The following CTNND2 variants were observed in gnomAD, a reference collection of about 807,000 sequenced individuals.
CTNND2 encodes the protein catenin delta-2.
In CTNND2, 22 loss-of-function variants were observed where a neutral mutation model predicts 144.4. That is an observed-to-expected ratio of 0.15 (90% CI 0.11 to 0.22). The LOEUF is 0.22. CTNND2 is among the 10% of genes least tolerant of loss of function. CTNND2 has a pLI of 1.00. For missense variants in CTNND2, 1,353 were observed against 1,618.8 expected (o/e 0.84, Z 2.82); for synonymous variants, 751 against 695.6 (o/e 1.08, Z -1.25).
chr5:11,420,390 T>G (rs777329976), intron 3 of CTNND2, among the ~76,000 whole-genome samples: 5 of 152,208 alleles, frequency 3.3e-5, no homozygotes, highest in Non-Finnish European at 5.9e-5. Flanking sequence ...GACCTTTATA[T>G]TGATGATGTC....
At chr5:11,395,532 T>A (rs1760018302) in intron 6 of CTNND2, among the ~76,000 whole-genome samples, 1 of 152,250 alleles carries the variant, frequency 6.6e-6, no homozygotes, top group African/African-American at 2.4e-5. Context: ...ATAACTCTGA[T>A]GACTTCAGAT....
chr5:11,058,692 A>C (rs1232097954), intron 16 of CTNND2, among the ~76,000 whole-genome samples: 2 of 152,212 alleles, frequency 1.3e-5, no homozygotes, highest in East Asian at 3.9e-4. Context: ...TGGTAGATCC[A>C]ATGACCTCTT....
chr5:10,974,286 A>G (rs1391647143), intron 21 of CTNND2, among the ~76,000 whole-genome samples: 1 of 152,220 alleles, frequency 6.6e-6, no homozygotes, highest in African/African-American at 2.4e-5. Flanking sequence ...TTGTGGCTGA[A>G]TAATATTCCA....
At chr5:11,395,162 A>C (rs761296812) in intron 6 of CTNND2, among the ~76,000 whole-genome samples, 16 of 152,214 alleles carry the variant, frequency 1.1e-4, no homozygotes, top group Non-Finnish European at 2.2e-4. Flanking sequence ...CCCTTCTCTC[A>C]AGGGTATAAC....
chr5:11,057,622 T>C (rs1746470746), intron 16 of CTNND2, among the ~76,000 whole-genome samples: 1 of 152,218 alleles, frequency 6.6e-6, no homozygotes, highest in South Asian at 2.1e-4. Context: ...AATGGATTAA[T>C]ACAATACATT....
chr5:11,106,002 G>A (rs2973504), intron 14 of CTNND2, among the ~76,000 whole-genome samples: 53,277 of 151,908 alleles, frequency 0.35, 9,644 homozygotes, highest in African/African-American at 0.43. Context: ...CTGTCTGGAA[G>A]AAAAAGAAAA....
intron 2 of CTNND2, among the ~76,000 whole-genome samples, chr5:11,590,416 G>T (rs1037678005): frequency 6.6e-6 from 1 of 152,058 alleles, no homozygotes; most frequent in East Asian, 1.9e-4. Flanking sequence ...AAAGTACAGG[G>T]TAGTCCTTAT....
chr5:11,584,604 TA>T (rs1050010251), intron 2 of CTNND2, among the ~76,000 whole-genome samples: 1 of 152,170 alleles, frequency 6.6e-6, no homozygotes, highest in Non-Finnish European at 1.5e-5. Context: ...AGTTTATTTT[TA>T]AAATCATATG....
intron 2 of CTNND2, among the ~76,000 whole-genome samples, chr5:11,690,922 A>G (rs1784880812): frequency 6.6e-6 from 1 of 152,142 alleles, no homozygotes; most frequent in Non-Finnish European, 1.5e-5. Context: ...TTAACCTGAA[A>G]ACACGTTGAA....
At chr5:11,902,762 T>C (rs1319694046) in intron 1 of CTNND2, among the ~76,000 whole-genome samples, 1 of 151,802 alleles carries the variant, frequency 6.6e-6, no homozygotes, top group East Asian at 1.9e-4. Flanking sequence ...TCAGATCAGC[T>C]CAAATGAGGC....
intron 2 of CTNND2, among the ~76,000 whole-genome samples, chr5:11,716,766 A>T (rs1239522939): frequency 6.6e-6 from 1 of 151,972 alleles, no homozygotes; most frequent in Non-Finnish European, 1.5e-5. Flanking sequence ...AGCTTACCAC[A>T]ACCTCCTCCA....
chr5:11,116,634 T>G (rs1266038649), intron 13 of CTNND2, among the ~76,000 whole-genome samples: 1 of 152,266 alleles, frequency 6.6e-6, no homozygotes, highest in African/African-American at 2.4e-5. Flanking sequence ...TAGACTTTGC[T>G]GATTTATTTT....
At chr5:11,779,997 A>G (rs1007991485) in intron 1 of CTNND2, among the ~76,000 whole-genome samples, 2 of 152,206 alleles carry the variant, frequency 1.3e-5, no homozygotes, top group African/African-American at 4.8e-5. Context: ...AGAGGAAGAT[A>G]AAAGCAGGGC....
chr5:11,831,633 C>G (rs911254793), intron 1 of CTNND2, among the ~76,000 whole-genome samples: 10 of 149,988 alleles, frequency 6.7e-5, no homozygotes, highest in Non-Finnish European at 1.5e-4. Flanking sequence ...CGCCACTGCA[C>G]TCCAGCCAGG....
chr5:11,639,972 C>T (rs375361570), intron 2 of CTNND2, among the ~76,000 whole-genome samples: 1 of 152,122 alleles, frequency 6.6e-6, no homozygotes, highest in African/African-American at 2.4e-5. Flanking sequence ...AAGTGTTAAC[C>T]ATGCCTAAGT....
At chr5:11,173,164 T>C (rs1437869787) in intron 11 of CTNND2, among the ~76,000 whole-genome samples, 6 of 152,232 alleles carry the variant, frequency 3.9e-5, no homozygotes, top group Admixed American at 1.3e-4. Context: ...ACTTCCCGGG[T>C]ACCCGTGCCC....
Position 11,099,107 on chromosome 5 carries a change from A to G in CTNND2, c.2464-359T>C, listed in dbSNP as rs61755687. 3.4e-3 allele frequency among the ~76,000 whole-genome samples: 513 copies of G among 152,364 alleles called. 3 individuals carry two copies. The highest frequency in any genetic ancestry group is 0.011 in the African/African-American group (478 of 41,582). On this transcript the variant is annotated intron_variant, in intron 14 of 21. Coordinates refer to ENST00000304623, the MANE Select transcript of CTNND2 (RefSeq NM_001332.4). ...CAGTTTGGAAGAAGGATAAAGATCAAGGTAGCATATTTTATAGTAAGCATA... is the reference window on the plus strand; with the variant it reads ...CAGTTTGGAAGAAGGATAAAGATCAGGGTAGCATATTTTATAGTAAGCATA...
At chr5:11,853,861 G>C (rs1450044123) in intron 1 of CTNND2, among the ~76,000 whole-genome samples, 1 of 152,040 alleles carries the variant, frequency 6.6e-6, no homozygotes, top group Non-Finnish European at 1.5e-5. Context: ...TCTCCTCCTC[G>C]TCTGAGCCGC....
chr5:11,530,509 A>T (rs1354128319), intron 3 of CTNND2, among the ~76,000 whole-genome samples: 1 of 152,128 alleles, frequency 6.6e-6, no homozygotes, highest in African/African-American at 2.4e-5. Flanking sequence ...TCCAAGGTGG[A>T]TGCAGCAGTG....
Sources: gnomAD v4.1 joint callset for allele counts (sites outside exome capture counted in the v4.1 genomes callset) on GRCh38, gnomAD v4.1.1 for gene constraint, MANE v1.5 for transcripts, NCBI Gene and HGNC (gene_info 2026-07-23, HGNC 2026-07-21) for gene names.